Variants in INPP4B observed in about 807,000 individuals in gnomAD.
INPP4B encodes inositol polyphosphate 4-phosphatase type II.
A neutral mutation model predicts 122.5 loss-of-function variants in INPP4B; 55 were observed. That is an observed-to-expected ratio of 0.45 (90% CI 0.36 to 0.56). INPP4B has a LOEUF of 0.56. INPP4B is among the 20% of genes least tolerant of loss of function. The probability of loss-of-function intolerance (pLI) is 0.00; values close to 1 mark genes in which losing one functional copy is unlikely to be tolerated. For synonymous variants in INPP4B, 403 were observed against 388.7 expected (o/e 1.04, Z -0.43); for missense variants, 1,000 against 1,097.7 (o/e 0.91, Z 1.26).
chr4:142,404,718 A>G (rs1327201279), intron 6 of INPP4B, among the ~76,000 whole-genome samples: 2 of 152,198 alleles, frequency 1.3e-5, no homozygotes, highest in Non-Finnish European at 2.9e-5. Context: ...GAGAATATAA[A>G]GTTTCCACAG....
chr4:142,101,660 G>C (rs1024607113), intron 23 of INPP4B, among the ~76,000 whole-genome samples: 5 of 152,072 alleles, frequency 3.3e-5, no homozygotes, highest in Non-Finnish European at 7.4e-5. Context: ...AGCACAATCT[G>C]TGTTATAAAT....
At chr4:142,586,706 A>G (rs558482760) in intron 2 of INPP4B, among the ~76,000 whole-genome samples, 1 of 152,320 alleles carries the variant, frequency 6.6e-6, no homozygotes, top group East Asian at 1.9e-4. Flanking sequence ...AGATTAATAT[A>G]TAATACTGAG....
At chr4:142,084,478 A>T (rs1391490207) in intron 24 of INPP4B, among the ~76,000 whole-genome samples, 2 of 152,210 alleles carry the variant, frequency 1.3e-5, no homozygotes, top group Admixed American at 6.5e-5. Flanking sequence ...CATTAAATAA[A>T]TTTTTAAAAG....
intron 23 of INPP4B, among the ~76,000 whole-genome samples, chr4:142,096,584 CTTT>C (rs927268644): frequency 5.9e-5 from 9 of 152,042 alleles, no homozygotes; most frequent in Admixed American, 3.3e-4. Flanking sequence ...TTTCTTCTCA[CTTT>C]TTCTTTTAAA....
chr4:142,188,516 A>ATATAT (rs1381172815), intron 15 of INPP4B, among the ~76,000 whole-genome samples: 88 of 116,198 alleles, frequency 7.6e-4, no homozygotes, highest in South Asian at 2.4e-3. Flanking sequence ...AAAAAGAAAA[A>ATATAT]AAATATATAT....
intron 9 of INPP4B, among the ~76,000 whole-genome samples, chr4:142,276,691 C>A: frequency 6.6e-6 from 1 of 151,820 alleles, no homozygotes; most frequent in East Asian, 1.9e-4. Flanking sequence ...ATTTATATAG[C>A]CTGGGCCACA....
chr4:142,361,547 AG>A (rs1343854064), intron 7 of INPP4B, among the ~76,000 whole-genome samples: 6 of 152,012 alleles, frequency 3.9e-5, no homozygotes, highest in Non-Finnish European at 5.9e-5. Context: ...ATATATGCTA[AG>A]GGCCTTCTTT....
intron 2 of INPP4B, among the ~76,000 whole-genome samples, chr4:142,497,390 T>A (rs1822725454): frequency 6.6e-6 from 1 of 152,132 alleles, no homozygotes; most frequent in Non-Finnish European, 1.5e-5. Flanking sequence ...CATAACCAAA[T>A]CATTTTCCCA....
At chr4:142,769,124 G>T (rs1772614857) in intron 1 of INPP4B, among the ~76,000 whole-genome samples, 1 of 152,174 alleles carries the variant, frequency 6.6e-6, no homozygotes, top group Non-Finnish European at 1.5e-5. Context: ...GATGACCCCA[G>T]GTTTCTGTGT....
chr4:142,638,578 C>G lies in INPP4B; in HGVS notation c.-191+87261G>C, dbSNP rs189916877. ...TTTTTTTTTGAGATGGAGTCTCACTCTGTCACCCAGGCTGGAGTGCAGTGG... is the reference window on the plus strand; with the variant it reads ...TTTTTTTTTGAGATGGAGTCTCACTGTGTCACCCAGGCTGGAGTGCAGTGG... On this transcript the variant is annotated intron_variant, in intron 2 of 25. Coordinates refer to ENST00000262992, the MANE Select transcript of INPP4B (RefSeq NM_001101669.3). 2.6e-3 allele frequency among the ~76,000 whole-genome samples: 382 copies of G among 144,468 alleles called. 7 individuals carry two copies. The highest frequency in any genetic ancestry group is 0.018 in the East Asian group (91 of 4,962). 94.8% of individuals were successfully genotyped at this position (144,468 alleles called of 152,430 possible).
At chr4:142,087,620 C>T (rs1442438291) in intron 23 of INPP4B, among the ~76,000 whole-genome samples, 2 of 152,164 alleles carry the variant, frequency 1.3e-5, no homozygotes, top group African/African-American at 2.4e-5. Flanking sequence ...ACTACAACTA[C>T]GTTACCGAGT....
chr4:142,812,915 C>G (rs1779681751), intron 1 of INPP4B, among the ~76,000 whole-genome samples: 6 of 152,098 alleles, frequency 3.9e-5, no homozygotes, highest in Admixed American at 3.3e-4. Flanking sequence ...TTTCATCTGT[C>G]CTTTAGATGC....
chr4:142,597,958 C>G (rs748779275), intron 2 of INPP4B, among the ~76,000 whole-genome samples: 10 of 152,126 alleles, frequency 6.6e-5, no homozygotes, highest in Admixed American at 2.6e-4. Context: ...GACAGTCTTC[C>G]TGCATCAAGA....
intron 1 of INPP4B, among the ~76,000 whole-genome samples, chr4:142,817,378 A>T (rs895043344): frequency 6.6e-6 from 1 of 152,184 alleles, no homozygotes; most frequent in African/African-American, 2.4e-5. Context: ...ACAAGTGAGC[A>T]GGCCACTCAA....
intron 7 of INPP4B, among the ~76,000 whole-genome samples, chr4:142,384,483 A>G (rs67001118): frequency 0.19 from 29,340 of 152,066 alleles, 3,632 homozygotes; most frequent in African/African-American, 0.35. Context: ...ACTGCAGGCA[A>G]TTGTAACACA....
At chr4:142,126,960 C>T (rs1798883529) in intron 18 of INPP4B, among the ~76,000 whole-genome samples, 1 of 152,060 alleles carries the variant, frequency 6.6e-6, no homozygotes, top group African/African-American at 2.4e-5. Flanking sequence ...AATAAATTAA[C>T]CCAGATGTAA....
intron 2 of INPP4B, among the ~76,000 whole-genome samples, chr4:142,568,705 G>T (rs1273639212): frequency 6.6e-6 from 1 of 152,062 alleles, no homozygotes; most frequent in Non-Finnish European, 1.5e-5. Context: ...GATAATCATG[G>T]ATATAATTAA....
intron 2 of INPP4B, among the ~76,000 whole-genome samples, chr4:142,661,270 C>T (rs1755122866): frequency 6.6e-6 from 1 of 152,182 alleles, no homozygotes; most frequent in Non-Finnish European, 1.5e-5. Flanking sequence ...AAAAGTCCTA[C>T]AATACCAGGG....
intron 1 of INPP4B, among the ~76,000 whole-genome samples, chr4:142,790,376 C>T (rs1176299277): frequency 6.6e-6 from 1 of 151,864 alleles, no homozygotes; most frequent in Non-Finnish European, 1.5e-5. Context: ...AGAAAAAAAA[C>T]AAACAATCCC....
Sources: gnomAD v4.1 joint callset for allele counts (sites outside exome capture counted in the v4.1 genomes callset) on GRCh38, gnomAD v4.1.1 for gene constraint, MANE v1.5 for transcripts, NCBI Gene and HGNC (gene_info 2026-07-23, HGNC 2026-07-21) for gene names.